CAMK1G: variants seen among roughly 807,000 people sequenced by gnomAD.
CAMK1G encodes the protein calcium/calmodulin-dependent protein kinase type 1G.
Under a neutral mutation model 54.8 loss-of-function variants are expected in CAMK1G, and 27 were observed. The observed-to-expected ratio is 0.49, with a 90% confidence interval of 0.36 to 0.68. The LOEUF (loss-of-function observed/expected upper bound fraction) is 0.68. Ranked by LOEUF, CAMK1G falls within the 30% of genes least tolerant of loss-of-function variation. The probability of loss-of-function intolerance (pLI) is 0.00; values close to 1 mark genes in which losing one functional copy is unlikely to be tolerated. For missense variants in CAMK1G, 512 were observed against 591.0 expected, an observed-to-expected ratio of 0.87 and a Z score of 1.39; for synonymous variants, 238 against 224.9, an observed-to-expected ratio of 1.06 and a Z score of -0.52.
At chr1:209,609,243 C>G in intron 8 of CAMK1G, 151 bp downstream of exon 8, 4 of 897,188 alleles carry the variant, frequency 4.5e-6, no homozygotes, top group Non-Finnish European at 6.7e-6. Context: ...AAATCTTCGT[C>G]TGCTTCAAAG....
chr1:209,597,232 G>A (rs191184911), intron 2 of CAMK1G, among the ~76,000 whole-genome samples: 1 of 152,314 alleles, frequency 6.6e-6, no homozygotes. Flanking sequence ...ATTATCATAT[G>A]AACATGTATG....
chr1:209,593,448 T>C (rs955731083), intron 1 of CAMK1G, among the ~76,000 whole-genome samples: 15 of 152,172 alleles, frequency 9.9e-5, no homozygotes, highest in Non-Finnish European at 1.8e-4. Context: ...GGACACCTGG[T>C]ACCCTGCCAT....
At chr1:209,604,318 G>A (rs1665595091) in intron 4 of CAMK1G, among the ~76,000 whole-genome samples, 1 of 152,172 alleles carries the variant, frequency 6.6e-6, no homozygotes, top group Non-Finnish European at 1.5e-5. Context: ...AAGCCAACAG[G>A]ATTAGCACAC....
chr1:209,587,013 G>C (rs899814572), intron 1 of CAMK1G, among the ~76,000 whole-genome samples: 1 of 151,968 alleles, frequency 6.6e-6, no homozygotes, highest in African/African-American at 2.4e-5. Context: ...CTTCTCTCTG[G>C]GTCATTTTGT....
At chr1:209,593,297 C>G (rs1412951199) in intron 1 of CAMK1G, among the ~76,000 whole-genome samples, 2 of 152,168 alleles carry the variant, frequency 1.3e-5, no homozygotes, top group East Asian at 3.8e-4. Flanking sequence ...ATAGAGTCTA[C>G]AAGTAGTTTT....
chr1:209,593,821 C>G (rs1205186267), intron 1 of CAMK1G, among the ~76,000 whole-genome samples: 1 of 103,624 alleles, frequency 9.7e-6, no homozygotes, highest in East Asian at 2.1e-4. Flanking sequence ...GTAATAACTC[C>G]CCTGCTAAAA....
chr1:209,611,310 C>CA (rs1445688298), intron 9 of CAMK1G, 155 bp from the exon 10 acceptor site: 4 of 198,070 alleles, frequency 2.0e-5, no homozygotes, highest in Non-Finnish European at 3.6e-5. Context: ...CCCAGGGGCA[C>CA]AGAGGAGACC....
chr1:209,608,956 T>A, intron 7 of CAMK1G, 24 bp from the exon 8 acceptor site: 2 of 1,613,616 alleles, frequency 1.2e-6, no homozygotes, highest in South Asian at 2.2e-5. Flanking sequence ...TTCAGTAGTA[T>A]GCCTCCTTCC....
chr1:209,612,029 G>A lies in CAMK1G; in HGVS notation c.1153G>A (p.Gly385Ser). 6.2e-7 allele frequency: 1 copy of A among 1,614,190 alleles called. No homozygotes were observed. The highest frequency in any genetic ancestry group is 8.5e-7 in the Non-Finnish European group (1 of 1,180,036). ...CQHGRRPTAP[G>S]GRSLNCLVNG... ...GCATGGCCGCCGGCCCACTGCCCCTGGTGGCAGGTCCCTCAACTGCCTGGT... is the reference window on the plus strand; with the variant it reads ...GCATGGCCGCCGGCCCACTGCCCCTAGTGGCAGGTCCCTCAACTGCCTGGT... Residue 385 changes from glycine to serine, a missense_variant, in exon 11 of 13, where the codon GGT becomes AGT. Physicochemically the swap from Gly to Ser is moderately conservative, Grantham distance 56. Coordinates refer to ENST00000361322, the MANE Select transcript of CAMK1G (RefSeq NM_020439.3).
chr1:209,603,947 T>G (rs917614102), intron 4 of CAMK1G, among the ~76,000 whole-genome samples: 2 of 152,224 alleles, frequency 1.3e-5, no homozygotes, highest in Non-Finnish European at 2.9e-5. Context: ...CAGCTCTGCC[T>G]GACAGCAACT....
intron 3 of CAMK1G, 59 bp from the exon 4 acceptor site, chr1:209,603,155 A>G: frequency 1.3e-6 from 2 of 1,576,040 alleles, no homozygotes; most frequent in South Asian, 1.1e-5. Context: ...CTAGGTCTGC[A>G]TTATTTGTCT....
At chr1:209,601,387 C>A (rs943796194) in intron 3 of CAMK1G, among the ~76,000 whole-genome samples, 1 of 152,052 alleles carries the variant, frequency 6.6e-6, no homozygotes, top group Non-Finnish European at 1.5e-5. Context: ...ATCAAGTGGA[C>A]AACAATATAA....
chr1:209,603,486 G>T lies in CAMK1G; in HGVS notation c.296+198G>T, dbSNP rs541320658. On this transcript the variant is annotated intron_variant, in intron 4 of 12. Transcript: ENST00000361322. ...TGGGCAGGTTCTATGTGGGCCACAG[G>T]GTAAACCTGGGCTGATTATTAAGCT... is the stretch of plus-strand genomic sequence containing the variant. 3.9e-5 allele frequency among the ~76,000 whole-genome samples: 6 copies of T among 152,190 alleles called. No individual in the cohort carries two copies. The South Asian group carries it at 1.2e-3, about 32-fold the overall frequency.
rs1005090601 is a variant in CAMK1G, at chr1:209,594,581, A to C, written c.-29-374A>C. ...GGCAGAGTTGTGACATTAGAGAGGA[A>C]GCCTGGCTGACTCTGTAGTCTGAGT... On this transcript the variant is annotated intron_variant, in intron 1 of 12. Coordinates refer to ENST00000361322, the MANE Select transcript of CAMK1G (RefSeq NM_020439.3). Among the ~76,000 whole-genome samples, 4 of 152,306 alleles carry C rather than the reference A, an allele frequency of 2.6e-5. No individual in the cohort carries two copies. The South Asian group carries it at 8.3e-4, about 32-fold the overall frequency.
chr1:209,597,884 A>G (rs1032274996), intron 2 of CAMK1G, among the ~76,000 whole-genome samples: 3 of 152,206 alleles, frequency 2.0e-5, no homozygotes, highest in African/African-American at 7.2e-5. Context: ...GTATTCAAAT[A>G]ATAGTGATGA....
intron 2 of CAMK1G, among the ~76,000 whole-genome samples, chr1:209,597,957 A>G (rs1338275548): frequency 2.6e-5 from 4 of 152,240 alleles, no homozygotes; most frequent in East Asian, 1.9e-4. Flanking sequence ...AGCTTTTTAC[A>G]TATATCAAGT....
At chr1:209,609,632 T>G (rs1665733893) in intron 8 of CAMK1G, among the ~76,000 whole-genome samples, 1 of 152,228 alleles carries the variant, frequency 6.6e-6, no homozygotes, top group African/African-American at 2.4e-5. Context: ...TCTGCAGTGC[T>G]GTGTGGGTGA....
intron 10 of CAMK1G, 37 bp downstream of exon 10, chr1:209,611,589 T>C: frequency 6.3e-7 from 1 of 1,588,606 alleles, no homozygotes; most frequent in Non-Finnish European, 8.6e-7. Context: ...AAAGCTGTTC[T>C]GGGCCCCTGG....
chr1:209,608,997 C>A lies in CAMK1G; in HGVS notation c.653C>A (p.Pro218Gln). The change falls in exon 8 of 13, where the codon CCA becomes CAA. Residue 218 changes from proline (P) to glutamine (Q), a missense_variant. By Grantham distance (76) the Pro-to-Gln change is moderately conservative. Coordinates refer to ENST00000361322, the MANE Select transcript of CAMK1G (RefSeq NM_020439.3). ...ITYILLCGYP[P>Q]FYEETESKLF... ...TGCTGCAGGCTCTGTGGATACCCCC[C>A]ATTCTATGAAGAAACGGAGTCTAAG... 1 of 1,614,110 alleles carries A rather than the reference C, an allele frequency of 6.2e-7. No individual in the cohort carries two copies.
Sources: gnomAD v4.1 joint callset for allele counts (sites outside exome capture counted in the v4.1 genomes callset) on GRCh38, gnomAD v4.1.1 for gene constraint, MANE v1.5 for transcripts, NCBI Gene and HGNC (gene_info 2026-07-23, HGNC 2026-07-21) for gene names.